Variants in DGKB observed in about 807,000 individuals in gnomAD.
DGKB encodes diacylglycerol kinase beta.
A neutral mutation model predicts 114.3 loss-of-function variants in DGKB; 67 were observed. The ratio of observed to expected loss-of-function variants is 0.59; its 90% CI spans 0.48 to 0.72. The LOEUF (loss-of-function observed/expected upper bound fraction) is 0.72, where lower values mean the gene tolerates loss of function less well. DGKB is among the 30% of genes least tolerant of loss of function. DGKB has a pLI of 0.00. For missense variants in DGKB, 907 were observed against 975.2 expected (o/e 0.93, Z 0.93); for synonymous variants, 398 against 323.1 (o/e 1.23, Z -2.49).
intron 17 of DGKB, among the ~76,000 whole-genome samples, chr7:14,607,038 A>G (rs17168298): frequency 0.39 from 58,692 of 151,650 alleles, 12,121 homozygotes; most frequent in East Asian, 0.69. Context: ...GCATAAATGG[A>G]CTAACTAGCT....
At chr7:14,756,342 T>C (rs1046742446) in intron 3 of DGKB, among the ~76,000 whole-genome samples, 1 of 152,036 alleles carries the variant, frequency 6.6e-6, no homozygotes, top group Admixed American at 6.6e-5. Flanking sequence ...CTCAGTTTTG[T>C]AAGTTTAGCT....
chr7:14,212,078 CAT>C (rs1788055312), intron 23 of DGKB, among the ~76,000 whole-genome samples: 1 of 8,272 alleles, frequency 1.2e-4, no homozygotes, highest in Non-Finnish European at 2.6e-4. Flanking sequence ...ATTTTACTCT[CAT>C]GTTTTGTGAT....
intron 21 of DGKB, among the ~76,000 whole-genome samples, chr7:14,405,943 G>A (rs1404843781): frequency 6.6e-6 from 1 of 151,964 alleles, no homozygotes; most frequent in African/African-American, 2.4e-5. Context: ...CACAAGATTC[G>A]CAACAGCAGG....
intron 21 of DGKB, among the ~76,000 whole-genome samples, chr7:14,358,839 G>A (rs905749426): frequency 2.6e-5 from 4 of 152,076 alleles, no homozygotes; most frequent in African/African-American, 9.7e-5. Flanking sequence ...CATGCTCATG[G>A]ATAAGAAGAA....
chr7:14,545,314 A>C (rs1794107038), intron 20 of DGKB, among the ~76,000 whole-genome samples: 1 of 152,176 alleles, frequency 6.6e-6, no homozygotes, highest in Non-Finnish European at 1.5e-5. Flanking sequence ...ACAATTAACT[A>C]TGAGTATGAG....
chr7:14,773,549 T>G (rs7808899), intron 2 of DGKB, among the ~76,000 whole-genome samples: 57,598 of 151,858 alleles, frequency 0.38, 15,808 homozygotes, highest in African/African-American at 0.77. Flanking sequence ...AATAGCATTG[T>G]AAGTTAACCA....
intron 1 of DGKB, among the ~76,000 whole-genome samples, chr7:14,913,062 C>T: frequency 6.6e-6 from 1 of 152,052 alleles, no homozygotes; most frequent in East Asian, 1.9e-4. Context: ...AAAGGTGGTG[C>T]TGGTTAGCAC....
chr7:14,851,137 A>G (rs1351545701), intron 1 of DGKB, among the ~76,000 whole-genome samples: 1 of 152,164 alleles, frequency 6.6e-6, no homozygotes, highest in Non-Finnish European at 1.5e-5. Context: ...TATACGGGGG[A>G]AAAGATTGGA....
intron 21 of DGKB, among the ~76,000 whole-genome samples, chr7:14,372,468 G>T (rs1293659341): frequency 6.6e-6 from 1 of 152,112 alleles, no homozygotes; most frequent in East Asian, 1.9e-4. Flanking sequence ...CTCATCATAA[G>T]TTGAGGAGCA....
At chr7:14,727,715 T>C (rs1830230529) in intron 5 of DGKB, among the ~76,000 whole-genome samples, 1 of 152,180 alleles carries the variant, frequency 6.6e-6, no homozygotes, top group Admixed American at 6.5e-5. Context: ...AGTTTGTGTT[T>C]TGGGGACCCT....
intron 6 of DGKB, among the ~76,000 whole-genome samples, chr7:14,717,175 C>G (rs1047175035): frequency 6.6e-6 from 1 of 152,106 alleles, no homozygotes; most frequent in East Asian, 1.9e-4. Context: ...AAGCATTCTT[C>G]TTAGGAATTC....
intron 23 of DGKB, among the ~76,000 whole-genome samples, chr7:14,296,063 ATC>A: frequency 6.7e-6 from 1 of 150,334 alleles, no homozygotes; most frequent in African/African-American, 2.4e-5. Context: ...TCAGACAAGA[ATC>A]TCTGTCACCA....
intron 20 of DGKB, among the ~76,000 whole-genome samples, chr7:14,567,735 T>C (rs1317494425): frequency 6.6e-6 from 1 of 150,390 alleles, no homozygotes; most frequent in Non-Finnish European, 1.5e-5. Flanking sequence ...GCCTCCCAAG[T>C]AGCTGGGACT....
At chr7:14,915,580 G>A (rs1438163042) in intron 1 of DGKB, among the ~76,000 whole-genome samples, 12 of 152,114 alleles carry the variant, frequency 7.9e-5, no homozygotes, top group Admixed American at 7.9e-4. Flanking sequence ...GAAAATAAAT[G>A]CTTTGCCTAT....
chr7:14,930,257 A>G (rs1460766858), intron 1 of DGKB, among the ~76,000 whole-genome samples: 2 of 152,260 alleles, frequency 1.3e-5, no homozygotes, highest in Middle Eastern at 6.8e-3. Context: ...TCTATGAAAA[A>G]TGAAATTTGC....
At chr7:14,803,920 T>C (rs1842484866) in intron 2 of DGKB, among the ~76,000 whole-genome samples, 1 of 152,118 alleles carries the variant, frequency 6.6e-6, no homozygotes, top group Non-Finnish European at 1.5e-5. Context: ...TATTCAAAAA[T>C]GAACATCTCC....
At chr7:14,703,085 C>T (rs1825501740) in intron 6 of DGKB, among the ~76,000 whole-genome samples, 1 of 152,082 alleles carries the variant, frequency 6.6e-6, no homozygotes, top group African/African-American at 2.4e-5. Context: ...GAAACAGCAA[C>T]TTACAACATT....
At chr7:14,782,813 G>C (rs1225631067) in intron 2 of DGKB, among the ~76,000 whole-genome samples, 2 of 151,976 alleles carry the variant, frequency 1.3e-5, no homozygotes, top group African/African-American at 4.8e-5. Flanking sequence ...TTGTACCTCA[G>C]TTTGCTCACA....
intron 2 of DGKB, among the ~76,000 whole-genome samples, chr7:14,830,223 G>A (rs1461891312): frequency 6.6e-6 from 1 of 152,012 alleles, no homozygotes; most frequent in South Asian, 2.1e-4. Flanking sequence ...GAGTTTTACA[G>A]CAGTCATACC....
Sources: gnomAD v4.1 joint callset for allele counts (sites outside exome capture counted in the v4.1 genomes callset) on GRCh38, gnomAD v4.1.1 for gene constraint, MANE v1.5 for transcripts, NCBI Gene and HGNC (gene_info 2026-07-23, HGNC 2026-07-21) for gene names.